The following SHQ1 variants were observed in gnomAD, a reference collection of about 807,000 sequenced individuals.
SHQ1 encodes the protein SHQ1, H/ACA ribonucleoprotein assembly factor.
In SHQ1, 49 loss-of-function variants were observed where a neutral mutation model predicts 53.8. The observed-to-expected ratio is 0.91, with a 90% confidence interval of 0.72 to 1.16. The LOEUF is 1.16. Among genes scored for constraint, SHQ1 ranks in the 50% most tolerant of loss-of-function variants. The pLI is 0.00. For missense variants in SHQ1, 738 were observed against 683.1 expected, an observed-to-expected ratio of 1.08 and a Z score of -0.90; for synonymous variants, 243 against 251.0, an observed-to-expected ratio of 0.97 and a Z score of 0.30.
chr3:72,774,093 A>G (rs1705907865), intron 10 of SHQ1, among the ~76,000 whole-genome samples: 1 of 152,230 alleles, frequency 6.6e-6, no homozygotes, highest in Non-Finnish European at 1.5e-5. Context: ...AATAGATGGT[A>G]AGGCAAAAAG....
At chr3:72,787,784 G>A (rs1706284793) in intron 10 of SHQ1, among the ~76,000 whole-genome samples, 1 of 150,852 alleles carries the variant, frequency 6.6e-6, no homozygotes. Flanking sequence ...GGACTGTACT[G>A]CCGCCATCTC....
At chr3:72,791,787 A>G (rs964994876) in intron 10 of SHQ1, among the ~76,000 whole-genome samples, 16 of 151,994 alleles carry the variant, frequency 1.1e-4, no homozygotes. Flanking sequence ...CCTGAACTCA[A>G]GCGATCCTCC....
At chr3:72,729,414 G>A in the SHQ1 span, among the ~76,000 whole-genome samples, 4 of 152,264 alleles carry the variant, frequency 2.6e-5, no homozygotes, top group South Asian at 4.1e-4. Flanking sequence ...CCAGCCTCCT[G>A]ATCGACCAGT....
chr3:72,840,913 T>C, intron 4 of SHQ1, 132 bp downstream of exon 4: 1 of 1,038,230 alleles, frequency 9.6e-7, no homozygotes, highest in Non-Finnish European at 1.4e-6. Context: ...ACTTTAGCTG[T>C]GCTAAGTGCT....
intron 9 of SHQ1, among the ~76,000 whole-genome samples, chr3:72,801,450 TA>T (rs1706784735): frequency 6.6e-6 from 1 of 152,138 alleles, no homozygotes; most frequent in Non-Finnish European, 1.5e-5. Flanking sequence ...TGAAAAAAAC[TA>T]AAATTGCATG....
At chr3:72,761,616 C>A (rs1198396543) in intron 10 of SHQ1, among the ~76,000 whole-genome samples, 2 of 152,202 alleles carry the variant, frequency 1.3e-5, no homozygotes, top group Non-Finnish European at 2.9e-5. Context: ...AAGGCTTGCA[C>A]TTCCTGTGCA....
intron 10 of SHQ1, among the ~76,000 whole-genome samples, chr3:72,751,553 C>A (rs1176460354): frequency 7.2e-6 from 1 of 138,274 alleles, no homozygotes; most frequent in African/African-American, 3.0e-5. Flanking sequence ...CTAATAAAGC[C>A]TAACTCTCCT....
intron 9 of SHQ1, 75 bp downstream of exon 9, chr3:72,812,596 T>C (rs960718309): frequency 1.2e-5 from 19 of 1,550,058 alleles, no homozygotes; most frequent in Non-Finnish European, 1.6e-5. Flanking sequence ...AAAGCAAAAA[T>C]CATTATTATA....
chr3:72,797,582 T>C (rs1432389257), intron 9 of SHQ1, among the ~76,000 whole-genome samples: 3 of 152,204 alleles, frequency 2.0e-5, no homozygotes, highest in African/African-American at 7.2e-5. Flanking sequence ...TGAGAAGCAA[T>C]ATTTAGATTA....
chr3:72,821,087 G>C (rs1575722127), intron 6 of SHQ1, among the ~76,000 whole-genome samples: 1 of 152,114 alleles, frequency 6.6e-6, no homozygotes, highest in South Asian at 2.1e-4. Context: ...CTATTACATT[G>C]TACATTCACT....
At chr3:72,798,227 G>GT (rs991440950) in intron 9 of SHQ1, among the ~76,000 whole-genome samples, 1 of 152,188 alleles carries the variant, frequency 6.6e-6, no homozygotes, top group African/African-American at 2.4e-5. Context: ...AGTAACCACG[G>GT]TAACTATTTG....
chr3:72,814,009 A>T (rs912972266), intron 8 of SHQ1, among the ~76,000 whole-genome samples: 3 of 152,002 alleles, frequency 2.0e-5, no homozygotes, highest in Non-Finnish European at 4.4e-5. Flanking sequence ...AATTTCCACA[A>T]AATTGTTTTT....
chr3:72,755,894 TACTATTTATTTCTTTATTTAGAGA>T (rs1246583811), intron 10 of SHQ1, among the ~76,000 whole-genome samples: 1 of 152,156 alleles, frequency 6.6e-6, no homozygotes, highest in African/African-American at 2.4e-5. Flanking sequence ...AAACATCAGG[TACTATTTATTTCTTTATTTAGAGA>T]CAGGTTCTCG....
intron 4 of SHQ1, among the ~76,000 whole-genome samples, chr3:72,840,576 A>AAG (rs1211174719): frequency 6.6e-6 from 1 of 151,904 alleles, no homozygotes; most frequent in Non-Finnish European, 1.5e-5. Context: ...AAAAAAAAAA[A>AAG]AGAGAATAGA....
intron 5 of SHQ1, among the ~76,000 whole-genome samples, chr3:72,826,798 GA>G (rs759958104): frequency 6.6e-6 from 1 of 152,170 alleles, no homozygotes; most frequent in African/African-American, 2.4e-5. Context: ...ACATTTAAGG[GA>G]AAAAAAGTTG....
At chr3:72,838,269 C>A (rs538771988) in intron 4 of SHQ1, among the ~76,000 whole-genome samples, 2 of 152,298 alleles carry the variant, frequency 1.3e-5, no homozygotes, top group East Asian at 1.9e-4. Context: ...CAGTATTGCA[C>A]ATATGGGGTT....
At chr3:72,780,738 C>G (rs1410146566) in intron 10 of SHQ1, among the ~76,000 whole-genome samples, 1 of 152,176 alleles carries the variant, frequency 6.6e-6, no homozygotes, top group African/African-American at 2.4e-5. Flanking sequence ...CACTTTTCAC[C>G]TTTCACTCTG....
Position 72,749,979 on chromosome 3 carries a change from A to G in SHQ1, c.*305T>C, listed in dbSNP as rs1159184471. The G allele has an allele frequency of 2.9e-6, 1 of 342,300 alleles. No homozygotes were observed. The highest frequency in any genetic ancestry group is 5.0e-5 in the East Asian group (1 of 20,008). 21.2% of individuals were successfully genotyped at this position (342,300 alleles called of 1,614,324 possible). A position where few individuals can be genotyped will look rare whatever the true frequency, so the allele number is the denominator to read the frequency against. ...ATAACCTACCCACATCCTCCTGCAC[A>G]GTTTAAATCATCACTAGATTACTTA... On this transcript the variant is annotated 3_prime_UTR_variant, in exon 11 of 11. Transcript: ENST00000325599.
rs144504828 is a variant in SHQ1 at position 72,755,336 on chromosome 3, T to C, written c.1182-4500A>G. ...GATGATAGATAGATAGACAGATAAATTGATTTTTGATCCTTTGCCAAGCTT... is the reference window on the plus strand; with the variant it reads ...GATGATAGATAGATAGACAGATAAACTGATTTTTGATCCTTTGCCAAGCTT... On this transcript the variant is annotated intron_variant, in intron 10 of 10. Transcript: ENST00000325599. 2.5e-3 allele frequency among the ~76,000 whole-genome samples: 380 copies of C among 152,304 alleles called. 2 individuals are homozygous for C. Among genetic ancestry groups the C allele is most frequent in the African/African-American group, 8.9e-3 (368 of 41,556 alleles).
Sources: allele counts gnomAD v4.1 joint callset (sites outside exome capture counted in the v4.1 genomes callset), GRCh38; gene constraint gnomAD v4.1.1; transcripts MANE v1.5; gene names NCBI Gene and HGNC (gene_info 2026-07-23, HGNC 2026-07-21).